Variants in ARHGAP24 observed in about 807,000 individuals in gnomAD.
ARHGAP24 encodes Rho GTPase activating protein 24.
Under a neutral mutation model 76.4 loss-of-function variants are expected in ARHGAP24, and 50 were observed. The ratio of observed to expected loss-of-function variants is 0.65; its 90% CI spans 0.52 to 0.83. ARHGAP24 has a LOEUF of 0.83. Ranked by LOEUF, ARHGAP24 falls within the 40% of genes least tolerant of loss-of-function variation. The probability of loss-of-function intolerance (pLI) is 0.00; values close to 1 mark genes in which losing one functional copy is unlikely to be tolerated. For missense variants in ARHGAP24, 930 were observed against 914.2 expected (o/e 1.02, Z -0.22); for synonymous variants, 345 against 323.3 (o/e 1.07, Z -0.72).
chr4:85,513,604 G>A (rs911905844), intron 1 of ARHGAP24, among the ~76,000 whole-genome samples: 1 of 151,770 alleles, frequency 6.6e-6, no homozygotes, highest in African/African-American at 2.4e-5. Context: ...TGGTCTCTTG[G>A]TCAGGATTCT....
At chr4:85,799,570 A>C (rs1419348301) in intron 3 of ARHGAP24, among the ~76,000 whole-genome samples, 1 of 152,214 alleles carries the variant, frequency 6.6e-6, no homozygotes, top group South Asian at 2.1e-4. Flanking sequence ...AATAAGGAAT[A>C]TAGAAATCAC....
chr4:85,511,049 T>C (rs767713593), intron 1 of ARHGAP24, among the ~76,000 whole-genome samples: 19 of 152,294 alleles, frequency 1.2e-4, no homozygotes, highest in Non-Finnish European at 2.4e-4. Flanking sequence ...ACCCATAAAA[T>C]ACAAAGAATC....
At chr4:85,901,846 T>C (rs1403640128) in intron 3 of ARHGAP24, among the ~76,000 whole-genome samples, 1 of 152,102 alleles carries the variant, frequency 6.6e-6, no homozygotes, top group Non-Finnish European at 1.5e-5. Context: ...TCTGGATACA[T>C]GTGCTGAACA....
chr4:85,790,020 T>G (rs1230213132), intron 3 of ARHGAP24, among the ~76,000 whole-genome samples: 2 of 152,186 alleles, frequency 1.3e-5, no homozygotes, highest in African/African-American at 4.8e-5. Flanking sequence ...ACAATTTTTT[T>G]TATTAGGTGC....
chr4:85,619,055 A>G (rs1720624407), intron 2 of ARHGAP24, among the ~76,000 whole-genome samples: 1 of 151,974 alleles, frequency 6.6e-6, no homozygotes, highest in Non-Finnish European at 1.5e-5. Flanking sequence ...AATGTCATGG[A>G]GCTTTTCCCC....
At chr4:85,835,244 C>A (rs1272285351) in intron 3 of ARHGAP24, among the ~76,000 whole-genome samples, 1 of 150,916 alleles carries the variant, frequency 6.6e-6, no homozygotes, top group African/African-American at 2.4e-5. Flanking sequence ...GTAACTCGCA[C>A]AATGTAATTT....
intron 2 of ARHGAP24, among the ~76,000 whole-genome samples, chr4:85,655,796 G>T (rs796860244): frequency 0.14 from 5,869 of 43,140 alleles, 293 homozygotes; most frequent in East Asian, 0.44. Context: ...TATATATAGA[G>T]AGAGAGAGAG....
chr4:85,939,465 T>C (rs1262360526), intron 4 of ARHGAP24, among the ~76,000 whole-genome samples: 1 of 152,186 alleles, frequency 6.6e-6, no homozygotes, highest in African/African-American at 2.4e-5. Flanking sequence ...TGAGCCCCAA[T>C]TTTCCATGTA....
intron 3 of ARHGAP24, among the ~76,000 whole-genome samples, chr4:85,905,521 G>C (rs1225741601): frequency 6.6e-6 from 1 of 151,792 alleles, no homozygotes; most frequent in Non-Finnish European, 1.5e-5. Context: ...CTTCCTTTTT[G>C]GAAAATAGCC....
intron 2 of ARHGAP24, among the ~76,000 whole-genome samples, chr4:85,641,487 T>A (rs1172560226): frequency 6.6e-6 from 1 of 152,184 alleles, no homozygotes; most frequent in African/African-American, 2.4e-5. Context: ...GGAAAATCTG[T>A]TCCACACCTC....
In ARHGAP24 at chr4:85,595,023, CA is replaced by C. The variant is rs199748449; in HGVS notation, c.180+24303del. On this transcript the variant is annotated intron_variant, in intron 2 of 9. Transcript: ENST00000395184. ...AACAGTCTTGCTCTCTTCCCTTCAC[CA>C]TATTGCTATTCTACATCCATGCTTA... Among the ~76,000 whole-genome samples, 467 of 151,904 alleles carry C rather than the reference CA, an allele frequency of 3.1e-3. 3 individuals carry two copies. Among genetic ancestry groups the C allele is most frequent in the African/African-American group, 0.01 (419 of 41,470 alleles).
intron 2 of ARHGAP24, among the ~76,000 whole-genome samples, chr4:85,662,830 A>G (rs1030757349): frequency 4.1e-4 from 63 of 152,174 alleles, no homozygotes; most frequent in Non-Finnish European, 7.4e-4. Context: ...ATAGTTGTAG[A>G]TATGCGGCGT....
rs554151138 is a variant in ARHGAP24, at chr4:85,655,704, G to A, written c.181-66181G>A. ...GGAGAATGGCTTGAACCCGGAATGC[G>A]GAGGTTGCAGTGAGCCGAGTTTGCA... On this transcript the variant is annotated intron_variant, in intron 2 of 9. Coordinates refer to ENST00000395184, the MANE Select transcript of ARHGAP24 (RefSeq NM_001025616.3). Among the ~76,000 whole-genome samples the A allele has an allele frequency of 4.4e-4, 66 of 150,354 alleles. No homozygotes were observed. The South Asian group carries it at 0.013, about 30-fold the overall frequency.
At chr4:85,855,824 G>A (rs1731524585) in intron 3 of ARHGAP24, among the ~76,000 whole-genome samples, 1 of 151,658 alleles carries the variant, frequency 6.6e-6, no homozygotes. Context: ...AGAAAAGCAG[G>A]ATGATAAGAA....
intron 1 of ARHGAP24, among the ~76,000 whole-genome samples, chr4:85,479,408 T>C (rs1722726689): frequency 6.6e-6 from 1 of 152,208 alleles, no homozygotes; most frequent in African/African-American, 2.4e-5. Context: ...TACTATAAAA[T>C]CTGTAATCTG....
At chr4:85,548,703 C>T (rs1726010344) in intron 1 of ARHGAP24, among the ~76,000 whole-genome samples, 1 of 152,182 alleles carries the variant, frequency 6.6e-6, no homozygotes, top group African/African-American at 2.4e-5. Flanking sequence ...AATTTGTGCA[C>T]AGATATCAAG....
intron 2 of ARHGAP24, among the ~76,000 whole-genome samples, chr4:85,603,365 C>T (rs1053275268): frequency 6.6e-6 from 1 of 152,150 alleles, no homozygotes; most frequent in African/African-American, 2.4e-5. Context: ...AGCTGTGACG[C>T]ACTTACCATC....
rs538477270 is a variant in ARHGAP24, at chr4:85,492,048, G to A, written c.-21+16489G>A. ...TTTTTATTTCCTCTCTCTCTTCCTC[G>A]CCATTCCCTCTTCCTCCCGTATTTC... On this transcript the variant is annotated intron_variant, in intron 1 of 9. Transcript: ENST00000395184. Among the ~76,000 whole-genome samples, 383 of 149,676 alleles carry A rather than the reference G, an allele frequency of 2.6e-3. 2 individuals carry two copies. Among genetic ancestry groups the A allele is most frequent in the Non-Finnish European group, 3.5e-3 (239 of 67,452 alleles).
intron 3 of ARHGAP24, among the ~76,000 whole-genome samples, chr4:85,810,531 G>GT (rs1370616821): frequency 1.3e-5 from 2 of 152,110 alleles, no homozygotes; most frequent in African/African-American, 4.8e-5. Flanking sequence ...TCATTTAGCT[G>GT]TTTTATGCCC....
Sources: gnomAD v4.1 joint callset for allele counts (sites outside exome capture counted in the v4.1 genomes callset) on GRCh38, gnomAD v4.1.1 for gene constraint, MANE v1.5 for transcripts, NCBI Gene and HGNC (gene_info 2026-07-23, HGNC 2026-07-21) for gene names.